GNAI1: variants seen among roughly 807,000 people sequenced by gnomAD.
The protein encoded by GNAI1 is guanine nucleotide-binding protein G(i) subunit alpha-1.
Under a neutral mutation model 38.9 loss-of-function variants are expected in GNAI1, and 11 were observed. That is an observed-to-expected ratio of 0.28 (90% CI 0.18 to 0.47). The LOEUF (loss-of-function observed/expected upper bound fraction) is 0.47. Ranked by LOEUF, GNAI1 falls within the 20% of genes least tolerant of loss-of-function variation. The pLI, the probability that GNAI1 is intolerant of heterozygous loss-of-function variation, is 0.99. For missense variants in GNAI1, 317 were observed against 436.9 expected (o/e 0.73, Z 2.45); for synonymous variants, 166 against 145.1 (o/e 1.14, Z -1.04).
At chr7:80,196,116 G>T (rs191243302) in intron 3 of GNAI1, among the ~76,000 whole-genome samples, 2 of 152,030 alleles carry the variant, frequency 1.3e-5, no homozygotes, top group East Asian at 3.9e-4. Context: ...TTGGAATGAG[G>T]ACTTATTATT....
intron 1 of GNAI1, among the ~76,000 whole-genome samples, chr7:80,166,238 C>A (rs968635634): frequency 1.5e-4 from 23 of 152,106 alleles, no homozygotes; most frequent in African/African-American, 5.3e-4. Flanking sequence ...ATATTTCATT[C>A]TTTGCACTGG....
chr7:80,139,506 G>A (rs1054857920), intron 1 of GNAI1, among the ~76,000 whole-genome samples: 1 of 152,168 alleles, frequency 6.6e-6, no homozygotes, highest in African/African-American at 2.4e-5. Context: ...CTTCTGCCCA[G>A]CCTATTTTCC....
Position 80,210,204 on chromosome 7 carries a change from TATAAG to T in GNAI1, c.591-763_591-759del, listed in dbSNP as rs72106526. 2.3e-3 allele frequency among the ~76,000 whole-genome samples: 344 copies of T among 152,326 alleles called. 12 individuals carry two copies. The East Asian group carries it at 0.053, about 24-fold the overall frequency. On this transcript the variant is annotated intron_variant, in intron 5 of 7. Transcript: ENST00000649796. ...ACTTTTGCTTAACTTTATAAAGTCTTATAAGAGAAAAGGAATAGACTATTGTCTTT... is the reference window on the plus strand; with the variant it reads ...ACTTTTGCTTAACTTTATAAAGTCTTAGAAAAGGAATAGACTATTGTCTTT...
At chr7:80,156,705 G>C (rs1237498869) in intron 1 of GNAI1, among the ~76,000 whole-genome samples, 2 of 152,150 alleles carry the variant, frequency 1.3e-5, no homozygotes, top group Non-Finnish European at 2.9e-5. Context: ...AAGTGATGGA[G>C]TTACAGGAGT....
Position 80,199,218 on chromosome 7 carries a change from T to C in GNAI1, c.304-7T>C. 1 of 1,581,846 alleles carries C rather than the reference T, an allele frequency of 6.3e-7. No homozygotes were observed. The highest frequency in any genetic ancestry group is 8.6e-7 in the Non-Finnish European group (1 of 1,160,140). On this transcript the variant is annotated splice_region_variant and splice_polypyrimidine_tract_variant and intron_variant, in intron 3 of 7. Coordinates refer to ENST00000649796, the MANE Select transcript of GNAI1 (RefSeq NM_002069.6). ...TTTTACTTAAAAAATGTCCTTTGAA[T>C]GTTCAGGATGATGCACGCCAACTCT...
chr7:80,178,742 T>G (rs746111564), intron 1 of GNAI1, among the ~76,000 whole-genome samples: 15 of 152,246 alleles, frequency 9.9e-5, no homozygotes, highest in Admixed American at 1.3e-4. Flanking sequence ...ATGAATTGAT[T>G]TATTGCAATA....
At chr7:80,200,497 A>G (rs1251478939) in intron 4 of GNAI1, among the ~76,000 whole-genome samples, 1 of 151,978 alleles carries the variant, frequency 6.6e-6, no homozygotes, top group Non-Finnish European at 1.5e-5. Context: ...ACTTTCCAGG[A>G]TTGTTCCATT....
At chr7:80,191,532 C>T (rs1055687391) in intron 3 of GNAI1, among the ~76,000 whole-genome samples, 6 of 152,040 alleles carry the variant, frequency 3.9e-5, no homozygotes, top group African/African-American at 9.7e-5. Flanking sequence ...GCTGGAACCA[C>T]GGATGTATGC....
intron 1 of GNAI1, among the ~76,000 whole-genome samples, chr7:80,151,401 CAAA>C (rs201814243): frequency 2.8e-5 from 4 of 143,396 alleles, no homozygotes; most frequent in African/African-American, 1.0e-4. Context: ...ACCACAAAGC[CAAA>C]AAAAAAAAAT....
intron 1 of GNAI1, among the ~76,000 whole-genome samples, chr7:80,176,135 A>T (rs1265944960): frequency 6.6e-6 from 1 of 152,264 alleles, no homozygotes; most frequent in Non-Finnish European, 1.5e-5. Flanking sequence ...TGCAATGGAC[A>T]CACGAATGAT....
At chr7:80,188,115 C>G (rs910250781) in intron 1 of GNAI1, among the ~76,000 whole-genome samples, 1 of 152,132 alleles carries the variant, frequency 6.6e-6, no homozygotes, top group Admixed American at 6.5e-5. Context: ...ACACTGAACC[C>G]TCAGTGCTAG....
At chr7:80,195,212 A>G (rs1254532011) in intron 3 of GNAI1, among the ~76,000 whole-genome samples, 1 of 151,842 alleles carries the variant, frequency 6.6e-6, no homozygotes, top group Non-Finnish European at 1.5e-5. Flanking sequence ...TTGTATATTT[A>G]TATAATATGT....
At chr7:80,162,046 T>G (rs1301247636) in intron 1 of GNAI1, among the ~76,000 whole-genome samples, 3 of 152,062 alleles carry the variant, frequency 2.0e-5, no homozygotes, top group Non-Finnish European at 4.4e-5. Context: ...GTGATGGCAT[T>G]TGGAGGTGGG....
chr7:80,168,112 G>A (rs1038936614), intron 1 of GNAI1, among the ~76,000 whole-genome samples: 1 of 152,096 alleles, frequency 6.6e-6, no homozygotes, highest in Non-Finnish European at 1.5e-5. Context: ...ATTGCCCTTA[G>A]CTGACTCCAT....
chr7:80,142,344 AC>A (rs1233694793), intron 1 of GNAI1, among the ~76,000 whole-genome samples: 1 of 152,218 alleles, frequency 6.6e-6, no homozygotes, highest in African/African-American at 2.4e-5. Flanking sequence ...CCAGTTTCTT[AC>A]ATGTCATATT....
chr7:80,160,509 C>T (rs1448288825), intron 1 of GNAI1, among the ~76,000 whole-genome samples: 5 of 152,082 alleles, frequency 3.3e-5, no homozygotes, highest in African/African-American at 9.6e-5. Context: ...CAGTATAGGT[C>T]AAAGTTTGGG....
chr7:80,173,788 C>G (rs1256515761), intron 1 of GNAI1, among the ~76,000 whole-genome samples: 1 of 152,172 alleles, frequency 6.6e-6, no homozygotes, highest in African/African-American at 2.4e-5. Context: ...TGAGTTCCCT[C>G]TAAGTGCAGT....
intron 1 of GNAI1, among the ~76,000 whole-genome samples, chr7:80,136,788 G>C (rs2116057266): frequency 6.6e-6 from 1 of 152,282 alleles, no homozygotes; most frequent in East Asian, 1.9e-4. Context: ...CTCTTAGTTT[G>C]AGCCAGCCAT....
intron 6 of GNAI1, among the ~76,000 whole-genome samples, chr7:80,212,453 G>A (rs1788890868): frequency 6.6e-6 from 1 of 152,130 alleles, no homozygotes; most frequent in Admixed American, 6.5e-5. Context: ...ATAATGTCCT[G>A]TAGCAGGATA....
Sources: gnomAD v4.1 joint callset for allele counts (sites outside exome capture counted in the v4.1 genomes callset) on GRCh38, gnomAD v4.1.1 for gene constraint, MANE v1.5 for transcripts, NCBI Gene and HGNC (gene_info 2026-07-23, HGNC 2026-07-21) for gene names.